CLEC12B: variants seen among roughly 807,000 people sequenced by gnomAD.
The protein encoded by CLEC12B is macrophage antigen h.
Under a neutral mutation model 36.1 loss-of-function variants are expected in CLEC12B, and 25 were observed. The ratio of observed to expected loss-of-function variants is 0.69; its 90% CI spans 0.50 to 0.97. CLEC12B has a LOEUF of 0.97. Among genes scored for constraint, CLEC12B ranks in the 50% least tolerant of loss-of-function variants. The probability of loss-of-function intolerance (pLI) is 0.00; values close to 1 mark genes in which losing one functional copy is unlikely to be tolerated. For missense variants in CLEC12B, 325 were observed against 318.4 expected, an observed-to-expected ratio of 1.02 and a Z score of -0.16; for synonymous variants, 110 against 108.5, an observed-to-expected ratio of 1.01 and a Z score of -0.09.
chr12:10,018,251 C>A, intron 5 of CLEC12B, 80 bp from the exon 6 acceptor site: 2 of 854,294 alleles, frequency 2.3e-6, no homozygotes, highest in Non-Finnish European at 3.5e-6. Context: ...ATGACATTGG[C>A]TGTAAGAGCA....
chr12:10,018,340 TA>T lies in CLEC12B; in HGVS notation c.693del (p.Glu232AsnfsTer39). On this transcript the variant is annotated frameshift_variant, in exon 6 of 6. Transcript: ENST00000338896. LOFTEE classifies it high-confidence loss of function. ...TTAAATTAATTTTCAGATTTAGTAC[TA>T]AAGAACTTGACCAGATCAATGGATC... ...SVPSPSLFST[K>X]ELDQINGSKG... 6.8e-7 allele frequency: 1 copy of T among 1,467,844 alleles called. No homozygotes were observed. The highest frequency in any genetic ancestry group is 9.2e-7 in the Non-Finnish European group (1 of 1,085,428). The allele number at this position is 1,467,844 out of a possible 1,614,324, so 90.9% of individuals were successfully genotyped here.
chr12:10,008,007 G>C (rs886353377), upstream of CLEC12B, among the ~76,000 whole-genome samples: 10 of 152,156 alleles, frequency 6.6e-5, no homozygotes, highest in Non-Finnish European at 1.3e-4. Flanking sequence ...AGAGTGGGCT[G>C]GAAACATAGG....
At position 10,010,661 on chromosome 12, in the gene CLEC12B, C is replaced by A; in HGVS notation, c.-99C>A. ...GAGTGTGTCTGGGTCAGCTGAGTGA[C>A]TACATCAAAGCTCCCAGCCTTGAAA... On this transcript the variant is annotated 5_prime_UTR_variant, in exon 1 of 6. Transcript: ENST00000338896. The A allele has an allele frequency of 2.9e-6, 2 of 694,460 alleles. No homozygotes were observed. The allele number at this position is 694,460 out of a possible 1,614,324, so 43.0% of individuals were successfully genotyped here. A position where few individuals can be genotyped will look rare whatever the true frequency, so the allele number is the denominator to read the frequency against.
chr12:10,012,351 G>A (rs182782429), intron 1 of CLEC12B, among the ~76,000 whole-genome samples: 9 of 152,296 alleles, frequency 5.9e-5, no homozygotes, highest in Middle Eastern at 3.4e-3. Context: ...AGGAAGAAAA[G>A]TGGGCAATGA....
Position 10,012,808 on chromosome 12 carries a change from T to G in CLEC12B, c.115T>G (p.Trp39Gly), listed in dbSNP as rs1413628958. The stretch of plus-strand genomic sequence containing the variant: ...AGGGCATCCAGCTCCATCTCCCATT[T>G]GGCGTCATGCTGCTCTGGGTCTGGT... The part of the protein sequence containing the change: ...KRGHPAPSPI[W>G]RHAALGLVTL... The change falls in exon 2 of 6, where the codon TGG (tryptophan) becomes GGG (glycine). Residue 39 changes from tryptophan to glycine, a missense_variant. By Grantham distance (184) the Trp-to-Gly change is radical. Transcript: ENST00000338896. The G allele has an allele frequency of 6.2e-7, 1 of 1,613,744 alleles. No homozygotes were observed. The highest frequency in any genetic ancestry group is 2.2e-5 in the East Asian group (1 of 44,886).
chr12:10,010,788 T>A lies in CLEC12B; in HGVS notation c.29T>A (p.Leu10His). MSEEVTYAT[L>H]TFQDSAGARN... ...TCTGAAGAAGTGACCTACGCGACACTCACATTTCAGGATTCTGCTGGAGCA... is the reference window on the plus strand; with the variant it reads ...TCTGAAGAAGTGACCTACGCGACACACACATTTCAGGATTCTGCTGGAGCA... The change falls in exon 1 of 6, where the codon CTC (leucine) becomes CAC (histidine). Residue 10 changes from leucine to histidine, a missense_variant. Leu to His is a moderately conservative substitution (Grantham distance 99). Transcript: ENST00000338896. The A allele has an allele frequency of 6.2e-7, 1 of 1,609,986 alleles. No homozygotes were observed. Among genetic ancestry groups the A allele is most frequent in the Non-Finnish European group, 8.5e-7 (1 of 1,176,562 alleles).
chr12:10,016,636 A>G, intron 5 of CLEC12B: 4 of 248,550 alleles, frequency 1.6e-5, no homozygotes, highest in Non-Finnish European at 2.6e-5. Flanking sequence ...GGATTTTTAA[A>G]CTTTTTATTG....
chr12:10,012,918 C>A (rs1865368077), intron 2 of CLEC12B, 35 bp downstream of exon 2: 2 of 1,439,174 alleles, frequency 1.4e-6, no homozygotes, highest in Non-Finnish European at 2.0e-6. Flanking sequence ...ACAAAGGCAA[C>A]TAGAAAACAT....
upstream of CLEC12B, among the ~76,000 whole-genome samples, chr12:10,009,003 G>A (rs748258602): frequency 1.3e-5 from 2 of 152,082 alleles, no homozygotes; most frequent in East Asian, 1.9e-4. Context: ...AAAACGCACC[G>A]ATCAGCGCTC....
rs780617394 is a variant in CLEC12B, at chr12:10,015,696, T to C, written c.649T>C (p.Trp217Arg). Reference protein sequence around the residue: ...SWDSSGRSWFWEDGSVPSPSL... With the variant: ...SWDSSGRSWFREDGSVPSPSL... The stretch of plus-strand genomic sequence containing the variant: ...GGACTCCTCTGGCAGAAGTTGGTTC[T>C]GGGAAGATGGCTCTGTTCCCTCTCC... The change falls in exon 5 of 6, where the codon TGG (tryptophan) becomes CGG (arginine). Residue 217 changes from tryptophan (W) to arginine (R), a missense_variant. Transcript: ENST00000338896. 65 of 1,613,644 alleles carry C rather than the reference T, an allele frequency of 4.0e-5. 1 individual carries two copies. In the Middle Eastern group the frequency reaches 1.3e-3, roughly 33 times the overall value.
At chr12:10,010,536 G>A (rs1865300737), upstream of CLEC12B, 7 of 372,212 alleles carry the variant, frequency 1.9e-5, no homozygotes, top group Admixed American at 3.0e-4. Context: ...TTTGAGATCT[G>A]TAACATTCTA....
Position 10,015,703 on chromosome 12 carries a change from A to G in CLEC12B, c.656A>G (p.Asp219Gly), listed in dbSNP as rs1165199150. 1.2e-6 allele frequency: 2 copies of G among 1,613,712 alleles called. No homozygotes were observed. The highest frequency in any genetic ancestry group is 1.7e-6 in the Non-Finnish European group (2 of 1,179,688). Residue 219 changes from aspartate (D) to glycine (G), a missense_variant, in exon 5 of 6, where the codon GAT becomes GGT. Transcript: ENST00000338896. The stretch of plus-strand genomic sequence containing the variant: ...TCTGGCAGAAGTTGGTTCTGGGAAG[A>G]TGGCTCTGTTCCCTCTCCATCCTTG... Reference protein sequence around the residue: ...DSSGRSWFWEDGSVPSPSLFS... With the variant: ...DSSGRSWFWEGGSVPSPSLFS...
intron 5 of CLEC12B, chr12:10,016,946 C>G (rs1470452438): frequency 4.0e-5 from 38 of 954,176 alleles, no homozygotes; most frequent in Non-Finnish European, 4.5e-5. Flanking sequence ...TCATTATCCA[C>G]CCCCCTCCCT....
chr12:10,017,144 C>G, intron 5 of CLEC12B: 1 of 985,146 alleles, frequency 1.0e-6, no homozygotes, highest in Non-Finnish European at 1.2e-6. Flanking sequence ...TTTGTCATGG[C>G]TATTTCTACT....
chr12:10,013,554 G>A (rs1267412179), intron 2 of CLEC12B: 2 of 152,742 alleles, frequency 1.3e-5, no homozygotes, highest in Non-Finnish European at 2.9e-5. Context: ...AAAACATCCT[G>A]AGAATACAAA....
chr12:10,006,374 T>G (rs1865224886), upstream of CLEC12B, among the ~76,000 whole-genome samples: 1 of 152,124 alleles, frequency 6.6e-6, no homozygotes, highest in Admixed American at 6.6e-5. Flanking sequence ...ATGGCTGTTA[T>G]CTCAAGGCAC....
intron 2 of CLEC12B, 59 bp downstream of exon 2, chr12:10,012,942 T>G (rs747981365): frequency 8.0e-7 from 1 of 1,254,932 alleles, no homozygotes; most frequent in East Asian, 2.3e-5. Context: ...GTAAACCATG[T>G]ACTTTCAGCT....
chr12:10,018,607 A>T lies in CLEC12B; in HGVS notation c.*126A>T, dbSNP rs1283984666. On this transcript the variant is annotated 3_prime_UTR_variant, in exon 6 of 6. Coordinates refer to ENST00000338896, the MANE Select transcript of CLEC12B (RefSeq NM_001129998.3). ...GACTGTGTATTTACATTATCAGACA[A>T]ATGAACTTGTTTAACAGAACATTCT... The T allele has an allele frequency of 1.3e-6, 1 of 746,850 alleles. No individual in the cohort carries two copies. Among genetic ancestry groups the T allele is most frequent in the African/African-American group, 1.8e-5 (1 of 55,364 alleles). 46.3% of individuals were successfully genotyped at this position (746,850 alleles called of 1,614,324 possible). A position where few individuals can be genotyped will look rare whatever the true frequency, so the allele number is the denominator to read the frequency against.
At chr12:10,018,081 C>A in intron 5 of CLEC12B, 1 of 704,502 alleles carries the variant, frequency 1.4e-6, no homozygotes, top group Admixed American at 5.4e-5. Flanking sequence ...ATTCTCAGTC[C>A]AGGATTTAAG....
Sources: gnomAD v4.1 joint callset for allele counts (sites outside exome capture counted in the v4.1 genomes callset) on GRCh38, gnomAD v4.1.1 for gene constraint, MANE v1.5 for transcripts, NCBI Gene and HGNC (gene_info 2026-07-23, HGNC 2026-07-21) for gene names.